The following ADAM9 variants were observed in gnomAD, a reference collection of about 807,000 sequenced individuals.
ADAM9 encodes disintegrin and metalloproteinase domain-containing protein 9.
ADAM9 carries 54 observed loss-of-function variants against 108.1 expected under a neutral mutation model. The ratio of observed to expected loss-of-function variants is 0.50; its 90% CI spans 0.40 to 0.63. ADAM9 has a LOEUF of 0.63. ADAM9 is among the 20% of genes least tolerant of loss of function. The pLI is 0.00. For synonymous variants in ADAM9, 316 were observed against 336.0 expected (o/e 0.94, Z 0.65); for missense variants, 830 against 997.7 (o/e 0.83, Z 2.26).
chr8:39,096,325 C>T (rs1839504272), intron 20 of ADAM9, among the ~76,000 whole-genome samples: 4 of 125,942 alleles, frequency 3.2e-5, no homozygotes, highest in Non-Finnish European at 5.5e-5. Context: ...TTCCTTTGTG[C>T]ATATTCTATA....
rs1839712719 is a variant in ADAM9, at chr8:39,101,991, T to A, written c.2366+61T>A. ...ATAAAACCTAGGGGTTAATGTCTAA[T>A]AATTTCCCCTGTATTTTAATGTAAT... On this transcript the variant is annotated intron_variant, in intron 21 of 21. Transcript: ENST00000487273. 1.3e-5 allele frequency: 17 copies of A among 1,298,972 alleles called. 1 individual carries two copies. The South Asian group carries it at 2.0e-4, about 16-fold the overall frequency. The allele number at this position is 1,298,972 out of a possible 1,614,324, so 80.5% of individuals were successfully genotyped here.
At chr8:39,038,871 C>T (rs188713906) in intron 11 of ADAM9, among the ~76,000 whole-genome samples, 3 of 152,294 alleles carry the variant, frequency 2.0e-5, no homozygotes, top group South Asian at 4.1e-4. Flanking sequence ...TCTTTTGTCT[C>T]AAACCATTGA....
At chr8:39,006,972 G>A (rs1836183382) in intron 1 of ADAM9, among the ~76,000 whole-genome samples, 1 of 152,150 alleles carries the variant, frequency 6.6e-6, no homozygotes, top group African/African-American at 2.4e-5. Context: ...TACAGTCCTT[G>A]TCCATTTAAT....
At chr8:39,048,998 GTT>G (rs34077661) in intron 12 of ADAM9, among the ~76,000 whole-genome samples, 6,900 of 121,460 alleles carry the variant, frequency 0.057, 436 homozygotes, top group African/African-American at 0.18. Context: ...ATAGCATATA[GTT>G]TTTTTTTTTT....
intron 2 of ADAM9, among the ~76,000 whole-genome samples, chr8:39,010,152 G>T (rs972711879): frequency 7.9e-5 from 12 of 151,958 alleles, no homozygotes; most frequent in Non-Finnish European, 1.5e-4. Flanking sequence ...CTAGAAGGAG[G>T]GGGGTGAACA....
At chr8:39,034,288 A>C (rs1423056708) in intron 11 of ADAM9, among the ~76,000 whole-genome samples, 1 of 152,112 alleles carries the variant, frequency 6.6e-6, no homozygotes. Context: ...TTACCCTAGA[A>C]ATTATTACAC....
intron 17 of ADAM9, 98 bp downstream of exon 17, chr8:39,082,819 G>A (rs1839064285): frequency 5.9e-6 from 8 of 1,361,354 alleles, no homozygotes; most frequent in Non-Finnish European, 8.4e-6. Flanking sequence ...CAGATGTTGG[G>A]GAATTTAGAT....
At chr8:39,007,342 C>G (rs1479724652) in intron 1 of ADAM9, among the ~76,000 whole-genome samples, 2 of 152,210 alleles carry the variant, frequency 1.3e-5, no homozygotes, top group African/African-American at 2.4e-5. Context: ...TACACCCCAC[C>G]TCCCAACACT....
intron 14 of ADAM9, among the ~76,000 whole-genome samples, chr8:39,070,839 A>G (rs1257836012): frequency 6.6e-6 from 1 of 152,114 alleles, no homozygotes; most frequent in African/African-American, 2.4e-5. Flanking sequence ...GTATTTAATT[A>G]GTAGGGACAT....
intron 5 of ADAM9, 30 bp downstream of exon 5, chr8:39,016,224 T>C (rs1443822546): frequency 1.3e-6 from 2 of 1,569,820 alleles, no homozygotes; most frequent in Non-Finnish European, 1.8e-6. Context: ...TTCTTTTTTT[T>C]TGTTTCCCCT....
intron 12 of ADAM9, among the ~76,000 whole-genome samples, chr8:39,048,880 A>G (rs559097221): frequency 6.6e-6 from 1 of 151,816 alleles, no homozygotes; most frequent in South Asian, 2.1e-4. Context: ...CTTTGATACA[A>G]ATATAGGTAC....
At chr8:39,089,144 G>C (rs1338098985) in intron 18 of ADAM9, among the ~76,000 whole-genome samples, 2 of 152,164 alleles carry the variant, frequency 1.3e-5, no homozygotes, top group African/African-American at 2.4e-5. Context: ...AGCTACTCGG[G>C]AGGTGGAGGC....
chr8:39,040,959 A>G (rs1837440514), intron 11 of ADAM9, among the ~76,000 whole-genome samples: 1 of 152,210 alleles, frequency 6.6e-6, no homozygotes, highest in Non-Finnish European at 1.5e-5. Context: ...CAAAATGGAT[A>G]AAATACCTAA....
chr8:39,002,361 C>T (rs1836024402), intron 1 of ADAM9, among the ~76,000 whole-genome samples: 1 of 147,994 alleles, frequency 6.8e-6, no homozygotes, highest in Admixed American at 6.8e-5. Flanking sequence ...CTCTGTTGCC[C>T]AGACTGGGGT....
At chr8:39,057,475 G>A (rs983518469) in intron 14 of ADAM9, among the ~76,000 whole-genome samples, 7 of 135,156 alleles carry the variant, frequency 5.2e-5, no homozygotes, top group African/African-American at 7.7e-5. Flanking sequence ...AATAGCATGA[G>A]CCCATATATG....
At chr8:39,005,277 C>A (rs570203094) in intron 1 of ADAM9, among the ~76,000 whole-genome samples, 168 of 152,258 alleles carry the variant, frequency 1.1e-3, no homozygotes, top group Non-Finnish European at 1.9e-3. Context: ...CCATTCACAA[C>A]TCTGAGTTCT....
At chr8:39,103,419 AT>A (rs1839762409) in intron 21 of ADAM9, among the ~76,000 whole-genome samples, 187 bp from the exon 22 acceptor site, 1 of 151,704 alleles carries the variant, frequency 6.6e-6, no homozygotes, top group African/African-American at 2.4e-5. Context: ...TAAAGTAGTT[AT>A]TCCATTTTAG....
At chr8:39,101,366 T>A (rs34017677) in intron 20 of ADAM9, among the ~76,000 whole-genome samples, 31,141 of 152,076 alleles carry the variant, frequency 0.2, 3,400 homozygotes, top group South Asian at 0.31. Context: ...ATGTGATGAG[T>A]TGCAGTCAGA....
At chr8:39,082,356 T>C (rs1297103693) in intron 16 of ADAM9, among the ~76,000 whole-genome samples, 1 of 152,162 alleles carries the variant, frequency 6.6e-6, no homozygotes, top group African/African-American at 2.4e-5. Flanking sequence ...GAATATTTTA[T>C]TTAGGATCTT....
Sources: gnomAD v4.1 joint callset for allele counts (sites outside exome capture counted in the v4.1 genomes callset) on GRCh38, gnomAD v4.1.1 for gene constraint, MANE v1.5 for transcripts, NCBI Gene and HGNC (gene_info 2026-07-23, HGNC 2026-07-21) for gene names.